Variants in CLHC1 observed in about 807,000 individuals in gnomAD.
The protein encoded by CLHC1 is clathrin heavy chain linker domain-containing protein 1.
CLHC1 carries 72 observed loss-of-function variants against 69.5 expected under a neutral mutation model. That is an observed-to-expected ratio of 1.04 (90% CI 0.86 to 1.26). CLHC1 has a LOEUF of 1.26. Ranked by LOEUF, CLHC1 falls within the 50% of genes most tolerant of loss-of-function variation. The probability of loss-of-function intolerance (pLI) is 0.00; values close to 1 mark genes in which losing one functional copy is unlikely to be tolerated. For missense variants in CLHC1, 790 were observed against 679.3 expected (o/e 1.16, Z -1.81); for synonymous variants, 223 against 224.3 (o/e 0.99, Z 0.05).
chr2:55,219,011 A>G (rs1673853095), intron 3 of CLHC1, among the ~76,000 whole-genome samples: 1 of 152,194 alleles, frequency 6.6e-6, no homozygotes, highest in Non-Finnish European at 1.5e-5. Context: ...GAGATTATTG[A>G]TCTCCTGGCA....
At chr2:55,190,752 A>G (rs1321961633) in intron 9 of CLHC1, among the ~76,000 whole-genome samples, 2 of 152,220 alleles carry the variant, frequency 1.3e-5, no homozygotes, top group Non-Finnish European at 2.9e-5. Context: ...CTTCAGGCAT[A>G]TAACTGACAT....
chr2:55,188,490 G>A (rs75628856), intron 9 of CLHC1, among the ~76,000 whole-genome samples: 7 of 151,988 alleles, frequency 4.6e-5, no homozygotes, highest in African/African-American at 1.2e-4. Context: ...AATCGCATAC[G>A]TTACCATTGG....
intron 1 of CLHC1, among the ~76,000 whole-genome samples, chr2:55,229,996 C>G (rs1046120162): frequency 6.6e-6 from 1 of 152,182 alleles, no homozygotes; most frequent in African/African-American, 2.4e-5. Context: ...TCACCTAACC[C>G]GGGAAGCAGA....
rs1674886170 is a variant in CLHC1 at position 55,228,042 on chromosome 2, C to CT, written c.-94dup. The CT allele has an allele frequency of 6.6e-6, 1 of 152,226 alleles. No homozygotes were observed. Among genetic ancestry groups the CT allele is most frequent in the Admixed American group, 6.5e-5 (1 of 15,268 alleles). The allele number at this position is 152,226 out of a possible 1,614,324, so 9.4% of individuals were successfully genotyped here. On this transcript the variant is annotated 5_prime_UTR_variant, in exon 2 of 13. Transcript: ENST00000401408. Reference sequence around the variant, plus strand: ...ATCACTTTGATTCACCTGGCTTTTACTCTTTCTTCAGCTTCAGGAAAGCTG... The same window carrying CT: ...ATCACTTTGATTCACCTGGCTTTTACTTCTTTCTTCAGCTTCAGGAAAGCTG...
chr2:55,183,153 T>C (rs1303282372), intron 9 of CLHC1, among the ~76,000 whole-genome samples: 2 of 152,268 alleles, frequency 1.3e-5, no homozygotes, highest in East Asian at 3.9e-4. Flanking sequence ...ACATGTCTCC[T>C]GAGCCTCAAT....
intron 9 of CLHC1, among the ~76,000 whole-genome samples, chr2:55,189,125 G>A (rs373068811): frequency 2.9e-4 from 44 of 152,122 alleles, no homozygotes; most frequent in African/African-American, 9.4e-4. Flanking sequence ...AGCAAGCAGT[G>A]AATATTATAA....
chr2:55,176,035 T>C, intron 12 of CLHC1, 49 bp from the exon 13 acceptor site: 1 of 1,427,058 alleles, frequency 7.0e-7, no homozygotes, highest in Non-Finnish European at 9.7e-7. Context: ...TTTGATAATC[T>C]ATACTTTAGT....
At chr2:55,226,545 CGT>C (rs1309408774) in intron 2 of CLHC1, among the ~76,000 whole-genome samples, 7 of 152,084 alleles carry the variant, frequency 4.6e-5, no homozygotes, top group African/African-American at 7.2e-5. Flanking sequence ...GTTGTTAAAT[CGT>C]TTTTTAAAAC....
At chr2:55,204,202 T>A (rs1479246797) in intron 9 of CLHC1, among the ~76,000 whole-genome samples, 1 of 152,172 alleles carries the variant, frequency 6.6e-6, no homozygotes, top group Non-Finnish European at 1.5e-5. Context: ...GAGAATCACT[T>A]GGACCTGGGA....
intron 3 of CLHC1, among the ~76,000 whole-genome samples, chr2:55,220,157 G>A (rs1379477484): frequency 6.6e-6 from 1 of 152,114 alleles, no homozygotes; most frequent in African/African-American, 2.4e-5. Flanking sequence ...AGTCCTCCTT[G>A]CTTTGATTCA....
At chr2:55,229,683 G>A (rs977522309) in intron 1 of CLHC1, among the ~76,000 whole-genome samples, 1 of 152,250 alleles carries the variant, frequency 6.6e-6, no homozygotes, top group African/African-American at 2.4e-5. Context: ...TGGAGCAACA[G>A]CCTCACTTGT....
At chr2:55,227,108 C>T (rs1184710374) in intron 2 of CLHC1, among the ~76,000 whole-genome samples, 1 of 152,118 alleles carries the variant, frequency 6.6e-6, no homozygotes, top group African/African-American at 2.4e-5. Context: ...ATTAAAAGGC[C>T]AAAATTATCT....
intron 9 of CLHC1, among the ~76,000 whole-genome samples, chr2:55,193,115 A>C (rs963467256): frequency 2.6e-5 from 4 of 152,088 alleles, no homozygotes; most frequent in African/African-American, 9.6e-5. Context: ...GCTAGTCTTG[A>C]ACTCCTGACC....
intron 11 of CLHC1, 62 bp from the exon 12 acceptor site, chr2:55,177,843 A>C (rs1669549192): frequency 8.0e-7 from 1 of 1,243,112 alleles, no homozygotes; most frequent in Non-Finnish European, 1.1e-6. Context: ...ACTAGAAACT[A>C]GGACTAGCTA....
chr2:55,187,656 T>C (rs1430839300), intron 9 of CLHC1, among the ~76,000 whole-genome samples: 2 of 151,662 alleles, frequency 1.3e-5, no homozygotes, highest in Non-Finnish European at 2.9e-5. Flanking sequence ...TCCCAAATCA[T>C]ACTGAACACA....
At chr2:55,198,345 G>A (rs560821049) in intron 9 of CLHC1, among the ~76,000 whole-genome samples, 1 of 152,272 alleles carries the variant, frequency 6.6e-6, no homozygotes, top group Non-Finnish European at 1.5e-5. Flanking sequence ...CAACACTTTG[G>A]GAGGCTGAGG....
In CLHC1 at chr2:55,177,590, T is replaced by C; in HGVS notation, c.1564+12A>G. 1.9e-6 allele frequency: 3 copies of C among 1,564,964 alleles called. No individual in the cohort carries two copies. The highest frequency in any genetic ancestry group is 2.6e-6 in the Non-Finnish European group (3 of 1,149,762). ...CACTACTATTTCTCCCACAACATTT[T>C]ATTCTACTTACCTATCCCACCTTTA... On this transcript the variant is annotated intron_variant, in intron 12 of 12. Transcript: ENST00000401408.
At chr2:55,214,034 G>C (rs1673253109) in intron 4 of CLHC1, among the ~76,000 whole-genome samples, 1 of 152,150 alleles carries the variant, frequency 6.6e-6, no homozygotes, top group Non-Finnish European at 1.5e-5. Context: ...ACATGTCATG[G>C]ATGGGGGGTT....
At chr2:55,199,694 T>C (rs1432711303) in intron 9 of CLHC1, among the ~76,000 whole-genome samples, 1 of 152,148 alleles carries the variant, frequency 6.6e-6, no homozygotes, top group Admixed American at 6.5e-5. Context: ...TTATAAGATA[T>C]TATTTGCAAG....
Sources: gnomAD v4.1 joint callset for allele counts (sites outside exome capture counted in the v4.1 genomes callset) on GRCh38, gnomAD v4.1.1 for gene constraint, MANE v1.5 for transcripts, NCBI Gene and HGNC (gene_info 2026-07-23, HGNC 2026-07-21) for gene names.